RANBP9: variants seen among roughly 807,000 people sequenced by gnomAD.
RANBP9 encodes the protein RAN binding protein 9.
In RANBP9, 15 loss-of-function variants were observed where a neutral mutation model predicts 84.3. The observed-to-expected ratio is 0.18, with a 90% CI of 0.12 to 0.27. The LOEUF is 0.27. Ranked by LOEUF, RANBP9 falls within the 10% of genes least tolerant of loss-of-function variation. RANBP9 has a pLI of 1.00. For missense variants in RANBP9, 809 were observed against 912.8 expected (o/e 0.89, Z 1.46); for synonymous variants, 392 against 349.6 (o/e 1.12, Z -1.35).
In RANBP9 at chr6:13,622,381, A is replaced by T. The variant is rs184285677; in HGVS notation, c.2171T>A (p.Val724Glu). Residue 724 changes from valine to glutamate, a missense_variant, in exon 14 of 14, where the codon GTG becomes GAG. Val to Glu is a moderately radical substitution (Grantham distance 121). Transcript: ENST00000011619. Reference protein sequence around the residue: ...SGIGSCAFATVEDYLH With the variant: ...SGIGSCAFATEEDYLH ...GCATAGCTAATGTAGGTAGTCTTCC[A>T]CTGTGGCAAATGCGCAGGATCCAAT... is the stretch of plus-strand genomic sequence containing the variant. 1 of 1,594,582 alleles carries T rather than the reference A, an allele frequency of 6.3e-7. No homozygotes were observed. Among genetic ancestry groups the T allele is most frequent in the East Asian group, 2.3e-5 (1 of 44,302 alleles).
intron 13 of RANBP9, among the ~76,000 whole-genome samples, chr6:13,624,196 CTT>C (rs1356803748): frequency 2.0e-5 from 3 of 152,202 alleles, no homozygotes. Flanking sequence ...TATTCCCAAA[CTT>C]CAGTATTGGT....
chr6:13,688,867 G>A (rs1357731432), intron 2 of RANBP9, among the ~76,000 whole-genome samples: 1 of 151,038 alleles, frequency 6.6e-6, no homozygotes, highest in Non-Finnish European at 1.5e-5. Flanking sequence ...AAAGATTGAA[G>A]GCAGTCTGGG....
At chr6:13,698,774 A>C (rs1234101237) in intron 1 of RANBP9, among the ~76,000 whole-genome samples, 5 of 152,200 alleles carry the variant, frequency 3.3e-5, no homozygotes, top group Non-Finnish European at 2.9e-5. Flanking sequence ...TGAGGAATCC[A>C]AGGGAAGATA....
chr6:13,649,461 GAAAA>G (rs375894187), intron 5 of RANBP9, among the ~76,000 whole-genome samples: 9 of 92,690 alleles, frequency 9.7e-5, no homozygotes, highest in African/African-American at 1.6e-4. Context: ...TGCCACAACA[GAAAA>G]AAAAAAAAAA....
chr6:13,630,628 A>C (rs943101917), intron 12 of RANBP9, among the ~76,000 whole-genome samples: 9 of 152,184 alleles, frequency 5.9e-5, no homozygotes, highest in African/African-American at 1.9e-4. Flanking sequence ...CTGTGAAGTC[A>C]AAATTATTTG....
At chr6:13,698,235 C>A (rs1757887530) in intron 1 of RANBP9, among the ~76,000 whole-genome samples, 1 of 152,148 alleles carries the variant, frequency 6.6e-6, no homozygotes, top group South Asian at 2.1e-4. Flanking sequence ...TTCTTTTAGC[C>A]TGGTGACCAT....
At chr6:13,660,656 A>G (rs1257129289) in intron 2 of RANBP9, among the ~76,000 whole-genome samples, 4 of 152,228 alleles carry the variant, frequency 2.6e-5, no homozygotes, top group Non-Finnish European at 5.9e-5. Flanking sequence ...AAAAATATAT[A>G]ATTTTGATCA....
chr6:13,711,073 T>G lies in RANBP9; in HGVS notation c.433A>C (p.Lys145Gln), dbSNP rs762760171. Residue 145 changes from lysine to glutamine, a missense_variant, in exon 1 of 14, where the codon AAG becomes CAG. Transcript: ENST00000011619. ...CGCTTCAGCCGCCGCTGCAACTCCTTCTCCTGCTCGTTCAGGGCCGAGTCC... is the reference window on the plus strand; with the variant it reads ...CGCTTCAGCCGCCGCTGCAACTCCTGCTCCTGCTCGTTCAGGGCCGAGTCC... ...HGDSALNEQE[K>Q]ELQRRLKRLY... 3.0e-5 allele frequency: 47 copies of G among 1,582,062 alleles called. No individual in the cohort carries two copies. Among genetic ancestry groups the G allele is most frequent in the Non-Finnish European group, 8.6e-7 (1 of 1,164,332 alleles).
At chr6:13,680,229 T>C (rs1033682126) in intron 2 of RANBP9, among the ~76,000 whole-genome samples, 1 of 152,050 alleles carries the variant, frequency 6.6e-6, no homozygotes, top group African/African-American at 2.4e-5. Context: ...ACCCATGTAA[T>C]GGAACAGAAC....
chr6:13,644,577 A>T lies in RANBP9; in HGVS notation c.1080T>A (p.Asp360Glu), dbSNP rs917619550. ...TCATGGTCTGCCATTCTCCTTCTCG[A>T]TCTCCGATAGGAAATCGATCTATCT... ...QAQIDRFPIG[D>E]REGEWQTMIQ... The change falls in exon 6 of 14, where the codon GAT (aspartate) becomes GAA (glutamate). Residue 360 changes from aspartate to glutamate, a missense_variant. Physicochemically the swap from Asp to Glu is conservative, Grantham distance 45. This residue lies in a region of RANBP9 where 216 missense variants were observed against 329.0 expected (regional missense o/e 0.66). Coordinates refer to ENST00000011619, the MANE Select transcript of RANBP9 (RefSeq NM_005493.3). 1 of 1,612,734 alleles carries T rather than the reference A, an allele frequency of 6.2e-7. No homozygotes were observed. Among genetic ancestry groups the T allele is most frequent in the Non-Finnish European group, 8.5e-7 (1 of 1,179,566 alleles).
At chr6:13,705,379 C>G (rs1432655293) in intron 1 of RANBP9, among the ~76,000 whole-genome samples, 1 of 128,296 alleles carries the variant, frequency 7.8e-6, no homozygotes, top group African/African-American at 3.1e-5. Context: ...TGCACTTCGG[C>G]CTGGGCGACA....
At chr6:13,700,246 C>T (rs1336590968) in intron 1 of RANBP9, among the ~76,000 whole-genome samples, 1 of 152,186 alleles carries the variant, frequency 6.6e-6, no homozygotes, top group Non-Finnish European at 1.5e-5. Context: ...CAGTGCCTTT[C>T]TGGAAATATA....
At chr6:13,635,549 G>GT (rs1444169677) in intron 10 of RANBP9, among the ~76,000 whole-genome samples, 1 of 151,516 alleles carries the variant, frequency 6.6e-6, no homozygotes, top group Non-Finnish European at 1.5e-5. Flanking sequence ...ACCACCAGAG[G>GT]TAACAAATTC....
intron 2 of RANBP9, among the ~76,000 whole-genome samples, chr6:13,669,580 CAATT>C (rs1765727018): frequency 6.6e-6 from 1 of 152,118 alleles, no homozygotes; most frequent in South Asian, 2.1e-4. Flanking sequence ...TATTCACGAT[CAATT>C]AATTTTGTTA....
intron 1 of RANBP9, among the ~76,000 whole-genome samples, chr6:13,702,260 T>G (rs1409077351): frequency 6.6e-6 from 1 of 152,124 alleles, no homozygotes; most frequent in Non-Finnish European, 1.5e-5. Context: ...CTGGCCAACA[T>G]GGTGAAATCC....
chr6:13,623,802 A>G (rs923074263), intron 13 of RANBP9, among the ~76,000 whole-genome samples: 7 of 151,806 alleles, frequency 4.6e-5, no homozygotes, highest in Admixed American at 2.0e-4. Flanking sequence ...ATTTATATTA[A>G]TAAGATTAAG....
At chr6:13,680,596 A>G (rs961003293) in intron 2 of RANBP9, among the ~76,000 whole-genome samples, 7 of 151,958 alleles carry the variant, frequency 4.6e-5, no homozygotes, top group Non-Finnish European at 8.8e-5. Context: ...AAATAAAAAT[A>G]AAAAATAAAG....
intron 2 of RANBP9, among the ~76,000 whole-genome samples, chr6:13,683,373 T>C (rs771682460): frequency 1.3e-5 from 2 of 152,174 alleles, no homozygotes; most frequent in African/African-American, 4.8e-5. Flanking sequence ...TCAAGTAATA[T>C]ATTCATCAGG....
At chr6:13,634,655 A>G (rs912934182) in intron 10 of RANBP9, 103 bp from the exon 11 acceptor site, 3 of 1,076,544 alleles carry the variant, frequency 2.8e-6, no homozygotes, top group Admixed American at 3.2e-5. Flanking sequence ...AACTAATTTC[A>G]TAAGGCAACA....
Sources: allele counts gnomAD v4.1 joint callset (sites outside exome capture counted in the v4.1 genomes callset), GRCh38; gene constraint gnomAD v4.1.1; regional missense constraint gnomAD v4.1.1; transcripts MANE v1.5; gene names NCBI Gene and HGNC (gene_info 2026-07-23, HGNC 2026-07-21).